The following POC1B variants were observed in gnomAD, a reference collection of about 807,000 sequenced individuals.
POC1B encodes POC1 centriolar protein homolog B.
A neutral mutation model predicts 60.6 loss-of-function variants in POC1B; 44 were observed. The ratio of observed to expected loss-of-function variants is 0.73; its 90% confidence interval spans 0.57 to 0.93. The LOEUF is 0.93. POC1B is among the 40% of genes least tolerant of loss of function. POC1B has a pLI of 0.00. For synonymous variants in POC1B, 180 were observed against 198.9 expected (o/e 0.90, Z 0.80); for missense variants, 555 against 572.3 (o/e 0.97, Z 0.31).
chr12:89,475,910 C>CTTT (rs972058107), intron 4 of POC1B, among the ~76,000 whole-genome samples: 1,499 of 85,992 alleles, frequency 0.017, 72 homozygotes, highest in East Asian at 0.12. Flanking sequence ...TGAGGGAATT[C>CTTT]TTTTTTTTTT....
At chr12:89,437,051 G>T (rs1414958672) in intron 10 of POC1B, among the ~76,000 whole-genome samples, 1 of 152,054 alleles carries the variant, frequency 6.6e-6, no homozygotes, top group East Asian at 1.9e-4. Context: ...TCAGTAAACA[G>T]AACTTATTGA....
intron 2 of POC1B, among the ~76,000 whole-genome samples, chr12:89,512,206 A>G (rs955636521): frequency 2.0e-5 from 3 of 152,254 alleles, no homozygotes; most frequent in Non-Finnish European, 4.4e-5. Context: ...AACTGACAGC[A>G]CTAACTTAAA....
chr12:89,474,945 AC>A (rs1883046769), intron 4 of POC1B, among the ~76,000 whole-genome samples: 1 of 152,056 alleles, frequency 6.6e-6, no homozygotes. Context: ...AAAAATTTTC[AC>A]CCACTGATTC....
chr12:89,497,146 T>A (rs1410471298), intron 3 of POC1B, 25 bp downstream of exon 3: 14 of 1,606,188 alleles, frequency 8.7e-6, no homozygotes, highest in Non-Finnish European at 1.2e-5. Context: ...CCAAAGGATA[T>A]CAAGTGTTTC....
intron 2 of POC1B, chr12:89,501,935 G>A: frequency 2.7e-6 from 3 of 1,091,160 alleles, no homozygotes; most frequent in Non-Finnish European, 4.3e-6. Flanking sequence ...GAAATTTCCA[G>A]TTGTTTCCTG....
chr12:89,500,240 G>A, intron 2 of POC1B: 1 of 1,569,698 alleles, frequency 6.4e-7, no homozygotes, highest in Non-Finnish European at 8.7e-7. Flanking sequence ...TCTTGCCAAT[G>A]ATTTTAGCAC....
rs779349342 is a variant in POC1B, at chr12:89,425,223, T to C, written c.1270A>G (p.Ile424Val). The C allele has an allele frequency of 1.2e-6, 2 of 1,614,206 alleles. No homozygotes were observed. Among genetic ancestry groups the C allele is most frequent in the Non-Finnish European group, 1.7e-6 (2 of 1,180,020 alleles). The change falls in exon 11 of 12, where the codon ATA becomes GTA. Residue 424 changes from isoleucine (I) to valine (V), a missense_variant. By Grantham distance (29) the Ile-to-Val change is conservative (BLOSUM62 3). Coordinates refer to ENST00000313546, the MANE Select transcript of POC1B (RefSeq NM_172240.3). ...AAAGCATCAGTCACAGCGAGAGGTA[T>C]GCTCCTTTGACTTTCACAGGGGAGG... ...SDLPCESQRSIPLAVTDALEH... is the reference protein window; with the variant it reads ...SDLPCESQRSVPLAVTDALEH...
At chr12:89,476,186 C>T (rs1353859923) in intron 4 of POC1B, among the ~76,000 whole-genome samples, 3 of 151,976 alleles carry the variant, frequency 2.0e-5, no homozygotes, top group East Asian at 1.9e-4. Context: ...GAATTACAGG[C>T]ATGATCCACT....
At chr12:89,421,355 G>T in intron 11 of POC1B, 98 bp from the exon 12 acceptor site, 2 of 994,316 alleles carry the variant, frequency 2.0e-6, no homozygotes, top group Non-Finnish European at 2.9e-6. Context: ...GAACTGGGAT[G>T]CCCACCCTTC....
chr12:89,423,158 C>G (rs938590181), intron 11 of POC1B, among the ~76,000 whole-genome samples: 4 of 151,574 alleles, frequency 2.6e-5, no homozygotes, highest in African/African-American at 9.8e-5. Context: ...GTGCGTGCCA[C>G]CCTGCTCGGC....
the POC1B span, among the ~76,000 whole-genome samples, chr12:89,402,382 T>A: frequency 1.1e-4 from 16 of 151,072 alleles, no homozygotes; most frequent in African/African-American, 2.4e-4. Flanking sequence ...CCTTTAAAAA[T>A]TTTTTTTTAG....
At chr12:89,503,655 C>G (rs1289522128) in intron 2 of POC1B, among the ~76,000 whole-genome samples, 1 of 152,032 alleles carries the variant, frequency 6.6e-6, no homozygotes, top group Non-Finnish European at 1.5e-5. Flanking sequence ...CCCGCCACCC[C>G]ATCTGGGATG....
chr12:89,504,599 AAT>A (rs1869803989), intron 2 of POC1B, among the ~76,000 whole-genome samples: 1 of 72,164 alleles, frequency 1.4e-5, no homozygotes, highest in African/African-American at 5.4e-5. Flanking sequence ...AAGAATGATC[AAT>A]AAAAAAAAAA....
intron 2 of POC1B, among the ~76,000 whole-genome samples, chr12:89,505,175 GATAA>G (rs1869834839): frequency 6.6e-6 from 1 of 152,146 alleles, no homozygotes; most frequent in Admixed American, 6.5e-5. Flanking sequence ...CAATGAAAAA[GATAA>G]ATAACACCAA....
chr12:89,479,300 T>A (rs938696295), intron 4 of POC1B, among the ~76,000 whole-genome samples: 2 of 152,342 alleles, frequency 1.3e-5, no homozygotes, highest in South Asian at 4.1e-4. Flanking sequence ...AACTAGGTTT[T>A]TTATTTGAAA....
Position 89,497,256 on chromosome 12 carries a change from C to G in POC1B, c.187G>C (p.Val63Leu), listed in dbSNP as rs780505563. 4 of 1,613,626 alleles carry G rather than the reference C, an allele frequency of 2.5e-6. No individual in the cohort carries two copies. The highest frequency in any genetic ancestry group is 3.4e-6 in the Non-Finnish European group (4 of 1,180,002). Residue 63 changes from valine (V) to leucine (L), a missense_variant, in exon 3 of 12, where the codon GTA becomes CTA. Transcript: ENST00000313546. Reference protein sequence around the residue: ...AYRYVGHKDVVTSVQFSPHGN... With the variant: ...AYRYVGHKDVLTSVQFSPHGN... The stretch of plus-strand genomic sequence containing the variant: ...TGTGGAGAAAACTGCACGCTGGTTA[C>G]AACATCCTTGTGACCCACATATCTG...
chr12:89,503,810 C>G, intron 2 of POC1B, among the ~76,000 whole-genome samples: 1 of 144,012 alleles, frequency 6.9e-6, no homozygotes, highest in South Asian at 2.3e-4. Context: ...CGGCAGCCGC[C>G]CCATCTGAGA....
At chr12:89,516,140 A>G (rs116617104) in intron 2 of POC1B, among the ~76,000 whole-genome samples, 2,533 of 152,234 alleles carry the variant, frequency 0.017, 80 homozygotes, top group African/African-American at 0.058. Context: ...TGACTATTTA[A>G]TATTGTCTCT....
intron 2 of POC1B, among the ~76,000 whole-genome samples, chr12:89,505,652 AT>A (rs1369242475): frequency 2.0e-5 from 3 of 152,240 alleles, no homozygotes; most frequent in Non-Finnish European, 4.4e-5. Context: ...TTTTGGTTAA[AT>A]AAGCAGGTCA....
Sources: allele counts gnomAD v4.1 joint callset (sites outside exome capture counted in the v4.1 genomes callset), GRCh38; gene constraint gnomAD v4.1.1; transcripts MANE v1.5; gene names NCBI Gene and HGNC (gene_info 2026-07-23, HGNC 2026-07-21).